OTUD5: variants seen among roughly 807,000 people sequenced by gnomAD.
OTUD5 encodes the protein OTU domain-containing protein 5.
In OTUD5, 2 loss-of-function variants were observed where a neutral mutation model predicts 36.3. The ratio of observed to expected loss-of-function variants is 0.06; its 90% CI spans 0.02 to 0.17. The LOEUF is 0.17. OTUD5 is among the 10% of genes least tolerant of loss of function. The pLI, the probability that OTUD5 is intolerant of heterozygous loss-of-function variation, is 1.00. For synonymous variants in OTUD5, 234 were observed against 214.9 expected, an observed-to-expected ratio of 1.09 and a Z score of -0.78; for missense variants, 233 against 512.3, an observed-to-expected ratio of 0.45 and a Z score of 5.26.
intron 1 of OTUD5, among the ~76,000 whole-genome samples, chrX:48,953,728 C>G (rs991651942): frequency 9.0e-6 from 1 of 111,326 alleles, no homozygotes; most frequent in Non-Finnish European, 1.9e-5. Flanking sequence ...GCAGCCATGC[C>G]TGGGAACCCC....
At chrX:48,930,623 T>G (rs2147561689) in intron 5 of OTUD5, among the ~76,000 whole-genome samples, 1 of 111,948 alleles carries the variant, frequency 8.9e-6, no homozygotes, top group African/African-American at 3.2e-5. Flanking sequence ...AGGTCTTGAT[T>G]TCTGTTAACA....
intron 5 of OTUD5, 98 bp downstream of exon 5, chrX:48,934,366 A>G (rs2063800684): frequency 3.2e-6 from 2 of 622,377 alleles, no homozygotes; most frequent in Admixed American, 3.3e-5. Context: ...GGGAGAGAGG[A>G]GACAGGATAT....
Position 48,922,586 on chromosome X carries a change from A to G in OTUD5, c.*588T>C. The G allele has an allele frequency of 1.3e-6, 1 of 753,716 alleles. No homozygotes were observed. Among genetic ancestry groups the G allele is most frequent in the Non-Finnish European group, 1.6e-6 (1 of 638,255 alleles). 62.1% of individuals were successfully genotyped at this position (753,716 alleles called of 1,213,427 possible). On this transcript the variant is annotated 3_prime_UTR_variant, in exon 9 of 9. Transcript: ENST00000376488. ...TGGCCTGCCTGCCCAGAAAGATGCC[A>G]CCTTCACAGAGCCAGTGCTGTCGTC...
chrX:48,926,144 GA>G (rs781830745), intron 5 of OTUD5, 94 bp from the exon 6 acceptor site: 21 of 617,933 alleles, frequency 3.4e-5, no homozygotes, highest in South Asian at 3.1e-4. Context: ...ACAGGCCCCA[GA>G]AAAAAAAGGA....
chrX:48,922,663 G>GA lies in OTUD5; in HGVS notation c.*510dup. 1 of 754,294 alleles carries GA rather than the reference G, an allele frequency of 1.3e-6. No homozygotes were observed. The highest frequency in any genetic ancestry group is 1.6e-6 in the Non-Finnish European group (1 of 638,787). The allele number at this position is 754,294 out of a possible 1,213,427, so 62.2% of individuals were successfully genotyped here. A position where few individuals can be genotyped will look rare whatever the true frequency, so the allele number is the denominator to read the frequency against. ...ATAAGATAAAAGTAATTTTAATAAA[G>GA]AAAAAATTCAACATTGAAGGCTCAG... On this transcript the variant is annotated 3_prime_UTR_variant, in exon 9 of 9. Coordinates refer to ENST00000376488, the MANE Select transcript of OTUD5 (RefSeq NM_001136157.2).
chrX:48,923,589 C>T, intron 8 of OTUD5, 44 bp downstream of exon 8: 1 of 988,107 alleles, frequency 1.0e-6, no homozygotes, highest in Non-Finnish European at 1.4e-6. Context: ...CCAGTCTCTC[C>T]CAGCTCCTAG....
rs782168784 is a variant in OTUD5 at position 48,934,453 on chromosome X, G to A, written c.1059+11C>T. On this transcript the variant is annotated intron_variant, in intron 5 of 8. Transcript: ENST00000376488. Reference sequence around the variant, plus strand: ...ATCCAGCAGCCATTCTGGGCACAGGGACCCACTCACCCCTGGTTTGAATGA... The same window carrying A: ...ATCCAGCAGCCATTCTGGGCACAGGAACCCACTCACCCCTGGTTTGAATGA... 1.0e-4 allele frequency: 124 copies of A among 1,202,931 alleles called. No homozygotes were observed. In the South Asian group the frequency reaches 1.7e-3, roughly 17 times the overall value.
Position 48,941,432 on chromosome X carries a change from C to CAAAAAAAAA in OTUD5, c.688+2749_688+2757dup, listed in dbSNP as rs200040194. On this transcript the variant is annotated intron_variant, in intron 2 of 8. Transcript: ENST00000376488. ...TGGGCGACAGAGGGAGACTCCATCT[C>CAAAAAAAAA]AAAAAAAAAAAAAAAAAAAAAAAAA... Among the ~76,000 whole-genome samples the CAAAAAAAAA allele has an allele frequency of 1.6e-4, 5 of 31,928 alleles. 1 individual carries two copies. Among genetic ancestry groups the CAAAAAAAAA allele is most frequent in the African/African-American group, 7.2e-4 (5 of 6,939 alleles). The allele number at this position is 31,928 out of a possible 115,157, so 27.7% of individuals were successfully genotyped here.
At chrX:48,938,538 C>CA (rs1323812986) in intron 2 of OTUD5, among the ~76,000 whole-genome samples, 3 of 109,707 alleles carry the variant, frequency 2.7e-5, no homozygotes, top group Non-Finnish European at 3.8e-5. Flanking sequence ...ACTAAAAATA[C>CA]AAAAAATTAG....
At chrX:48,951,474 A>G (rs1177609115) in intron 1 of OTUD5, among the ~76,000 whole-genome samples, 2 of 111,694 alleles carry the variant, frequency 1.8e-5, no homozygotes, top group Non-Finnish European at 3.8e-5. Context: ...TATTAGCCAG[A>G]CGAGGTGGCA....
At chrX:48,929,049 G>A (rs1557048254) in intron 5 of OTUD5, among the ~76,000 whole-genome samples, 2 of 110,863 alleles carry the variant, frequency 1.8e-5, no homozygotes, top group African/African-American at 6.6e-5. Flanking sequence ...AAAACCCATA[G>A]AATGTACAAC....
At chrX:48,944,520 G>A (rs1225979954) in intron 1 of OTUD5, among the ~76,000 whole-genome samples, 1 of 112,138 alleles carries the variant, frequency 8.9e-6, no homozygotes, top group Non-Finnish European at 1.9e-5. Context: ...TGAGAACAGT[G>A]GCCCCATATG....
chrX:48,945,627 T>C (rs2064014381), intron 1 of OTUD5, among the ~76,000 whole-genome samples: 1 of 110,942 alleles, frequency 9.0e-6, no homozygotes, highest in Non-Finnish European at 1.9e-5. Context: ...GACAAGAATC[T>C]ATTTATCCCA....
intron 1 of OTUD5, among the ~76,000 whole-genome samples, chrX:48,953,048 C>T (rs2064174438): frequency 8.9e-6 from 1 of 111,923 alleles, no homozygotes; most frequent in South Asian, 3.7e-4. Flanking sequence ...GCAAAATGGG[C>T]AGCTGAGGGG....
intron 2 of OTUD5, among the ~76,000 whole-genome samples, chrX:48,943,946 A>G (rs1025815957): frequency 1.5e-4 from 17 of 111,973 alleles, no homozygotes; most frequent in Non-Finnish European, 3.0e-4. Context: ...GCACCTGACA[A>G]TGTGTCCCAA....
chrX:48,949,870 C>T (rs940613722), intron 1 of OTUD5, among the ~76,000 whole-genome samples: 4 of 109,758 alleles, frequency 3.6e-5, no homozygotes, highest in Non-Finnish European at 5.7e-5. Flanking sequence ...AAGAAAAGCC[C>T]GGGCACAGTG....
chrX:48,957,190 C>G lies in OTUD5; in HGVS notation c.381G>C (p.Ala127=). ...CACCACCCACACCCACCACCACGCC[C>G]GCGGCACCCACACCCGCCGCCGCTG... ...LGAAAAGVGA[A]GVVVGVGGAV... Residue 127 remains alanine (A), a synonymous_variant, in exon 1 of 9, where the codon GCG becomes GCC. Transcript: ENST00000376488. 1.8e-6 allele frequency: 2 copies of G among 1,120,351 alleles called. No individual in the cohort carries two copies. Among genetic ancestry groups the G allele is most frequent in the Non-Finnish European group, 2.3e-6 (2 of 858,998 alleles). 92.3% of individuals were successfully genotyped at this position (1,120,351 alleles called of 1,213,427 possible).
intron 1 of OTUD5, among the ~76,000 whole-genome samples, chrX:48,949,057 A>T (rs781987588): frequency 9.0e-6 from 1 of 111,648 alleles, no homozygotes; most frequent in Non-Finnish European, 1.9e-5. Flanking sequence ...CAATCTGTGA[A>T]TGGGGATACC....
chrX:48,926,703 T>G (rs933051247), intron 5 of OTUD5, among the ~76,000 whole-genome samples: 10 of 111,517 alleles, frequency 9.0e-5, no homozygotes, highest in African/African-American at 3.3e-4. Flanking sequence ...TTTCATAATG[T>G]TGAGGACTTT....
Sources: gnomAD v4.1 joint callset for allele counts (sites outside exome capture counted in the v4.1 genomes callset) on GRCh38, gnomAD v4.1.1 for gene constraint, MANE v1.5 for transcripts, NCBI Gene and HGNC (gene_info 2026-07-23, HGNC 2026-07-21) for gene names.